Variants in YBX3 observed in about 807,000 individuals in gnomAD.
YBX3 encodes the protein Y-box-binding protein 3.
A neutral mutation model predicts 42.4 loss-of-function variants in YBX3; 29 were observed. The observed-to-expected ratio is 0.68, with a 90% CI of 0.51 to 0.93. YBX3 has a LOEUF of 0.93. Among genes scored for constraint, YBX3 ranks in the 40% least tolerant of loss-of-function variants. The pLI, the probability that YBX3 is intolerant of heterozygous loss-of-function variation, is 0.00. For missense variants in YBX3, 517 were observed against 527.5 expected (o/e 0.98, Z 0.19); for synonymous variants, 195 against 189.8 (o/e 1.03, Z -0.22).
intron 3 of YBX3, among the ~76,000 whole-genome samples, chr12:10,716,761 C>T (rs1398970416): frequency 6.6e-6 from 1 of 152,142 alleles, no homozygotes; most frequent in East Asian, 1.9e-4. Flanking sequence ...AGACCTCACC[C>T]ATAGAGGAAA....
chr12:10,723,111 T>TGCC lies in YBX3; in HGVS notation c.-3_-1dup, dbSNP rs1322959652. On this transcript the variant is annotated 5_prime_UTR_variant, in exon 1 of 10. Coordinates refer to ENST00000228251, the MANE Select transcript of YBX3 (RefSeq NM_003651.5). Reference sequence around the variant, plus strand: ...GTGGTGGCCTCGCCCGCCTCACTCATGCCTCCTCCTCCTCTGCTCTCGCTC... The same window carrying TGCC: ...GTGGTGGCCTCGCCCGCCTCACTCATGCCGCCTCCTCCTCCTCTGCTCTCGCTC... 4 of 1,204,782 alleles carry TGCC rather than the reference T, an allele frequency of 3.3e-6. No homozygotes were observed. In the East Asian group the frequency reaches 1.4e-4, roughly 41 times the overall value. The allele number at this position is 1,204,782 out of a possible 1,614,324, so 74.6% of individuals were successfully genotyped here.
At chr12:10,722,827 C>A in intron 1 of YBX3, 23 bp downstream of exon 1, 1 of 1,445,786 alleles carries the variant, frequency 6.9e-7, no homozygotes. Flanking sequence ...ACGGCAGCCC[C>A]TGCCCTCCCT....
chr12:10,719,524 G>A (rs1013391662), intron 1 of YBX3, among the ~76,000 whole-genome samples: 7 of 152,164 alleles, frequency 4.6e-5, no homozygotes, highest in Non-Finnish European at 7.4e-5. Context: ...ATAAAAGAGT[G>A]AAAGACCTTA....
intron 7 of YBX3, chr12:10,702,713 A>C (rs369935063): frequency 1.1e-4 from 16 of 152,330 alleles, no homozygotes; most frequent in African/African-American, 3.8e-4. Context: ...GCCCTTTGAT[A>C]AGCACTAAGA....
chr12:10,711,692 G>A (rs1288565195), intron 5 of YBX3: 3 of 152,156 alleles, frequency 2.0e-5, no homozygotes, highest in Non-Finnish European at 4.4e-5. Flanking sequence ...TTGGGACTTA[G>A]ATATTACAAC....
chr12:10,715,580 G>A, intron 4 of YBX3, 114 bp downstream of exon 4: 1 of 963,264 alleles, frequency 1.0e-6, no homozygotes, highest in Non-Finnish European at 1.6e-6. Flanking sequence ...GTCACTTCCT[G>A]CTATTGTACA....
In YBX3 at chr12:10,710,433, T is replaced by C. The variant is rs1948187710; in HGVS notation, c.574-319A>G. The C allele has an allele frequency of 4.0e-6, 5 of 1,260,534 alleles. No homozygotes were observed. The South Asian group carries it at 4.7e-5, about 12-fold the overall frequency. 78.1% of individuals were successfully genotyped at this position (1,260,534 alleles called of 1,614,324 possible). On this transcript the variant is annotated intron_variant, in intron 5 of 9. Transcript: ENST00000228251. Reference sequence around the variant, plus strand: ...ACCCGAAGAGTATCTGCAAGGTTTATAATTTTTGCTCCATCAAATGCGTGT... The same window carrying C: ...ACCCGAAGAGTATCTGCAAGGTTTACAATTTTTGCTCCATCAAATGCGTGT...
At chr12:10,717,118 A>T (rs1487610405) in intron 3 of YBX3, among the ~76,000 whole-genome samples, 1 of 152,222 alleles carries the variant, frequency 6.6e-6, no homozygotes, top group Non-Finnish European at 1.5e-5. Context: ...ATCTAAATGC[A>T]ACTGAGATAT....
In YBX3 at chr12:10,723,037, C is replaced by T. The variant is rs1948352043; in HGVS notation, c.75G>A (p.Ala25=). Residue 25 remains alanine, a synonymous_variant, in exon 1 of 10, where the codon GCG becomes GCA. Coordinates refer to ENST00000228251, the MANE Select transcript of YBX3 (RefSeq NM_003651.5). ...LPQAPTEAAA[A]APQDPAPKSP... is the part of the protein sequence containing the mutation. ...TCTTGGGCGCGGGGTCCTGGGGAGC[C>T]GCGGCGGCCGCCTCCGTCGGAGCCT... 1 of 1,204,662 alleles carries T rather than the reference C, an allele frequency of 8.3e-7. No homozygotes were observed. The highest frequency in any genetic ancestry group is 1.0e-6 in the Non-Finnish European group (1 of 972,128). The allele number at this position is 1,204,662 out of a possible 1,614,324, so 74.6% of individuals were successfully genotyped here.
At position 10,718,070 on chromosome 12, in the gene YBX3, A is replaced by G. The variant is rs1458468362; in HGVS notation, c.360+18T>C. 11 of 1,604,370 alleles carry G rather than the reference A, an allele frequency of 6.9e-6. No homozygotes were observed. The highest frequency in any genetic ancestry group is 9.4e-6 in the Non-Finnish European group (11 of 1,174,904). ...CCTCTCCTCACATAGCAAATGTAGTATTTATAATCCCTCTTACCTGATGTA... is the reference window on the plus strand; with the variant it reads ...CCTCTCCTCACATAGCAAATGTAGTGTTTATAATCCCTCTTACCTGATGTA... On this transcript the variant is annotated intron_variant, in intron 3 of 9. Transcript: ENST00000228251.
In YBX3 at chr12:10,699,130, C is replaced by G. The variant is rs931998455; in HGVS notation, c.*559G>C. The G allele has an allele frequency of 1.3e-5, 2 of 152,500 alleles. No homozygotes were observed. Among genetic ancestry groups the G allele is most frequent in the African/African-American group, 4.8e-5 (2 of 41,368 alleles). 9.4% of individuals were successfully genotyped at this position (152,500 alleles called of 1,614,324 possible). A position where few individuals can be genotyped will look rare whatever the true frequency, so the allele number is the denominator to read the frequency against. Reference sequence around the variant, plus strand: ...AATTTTATTTTTGAGGAATTTCTTACTGCACATTTTCAAAGAGAGTCACAT... The same window carrying G: ...AATTTTATTTTTGAGGAATTTCTTAGTGCACATTTTCAAAGAGAGTCACAT... On this transcript the variant is annotated 3_prime_UTR_variant, in exon 10 of 10. Transcript: ENST00000228251.
In YBX3 at chr12:10,723,314, C is replaced by G. The variant is rs1374741957; in HGVS notation, c.-203G>C. The G allele has an allele frequency of 3.5e-6, 3 of 845,494 alleles. No individual in the cohort carries two copies. The East Asian group carries it at 1.3e-4, about 38-fold the overall frequency. 52.4% of individuals were successfully genotyped at this position (845,494 alleles called of 1,614,324 possible). ...CGCGCTCTCTCTTGGGCTCCTCGCTCGATCTTACTGCCCCAAAAATGGCCC... is the reference window on the plus strand; with the variant it reads ...CGCGCTCTCTCTTGGGCTCCTCGCTGGATCTTACTGCCCCAAAAATGGCCC... On this transcript the variant is annotated 5_prime_UTR_variant, in exon 1 of 10. Transcript: ENST00000228251.
intron 5 of YBX3, chr12:10,710,397 G>C: frequency 6.0e-6 from 8 of 1,340,664 alleles, no homozygotes; most frequent in Non-Finnish European, 7.7e-6. Flanking sequence ...ACTCGTATCA[G>C]CTAACCAACC....
intron 6 of YBX3, among the ~76,000 whole-genome samples, chr12:10,709,655 C>T (rs993702972): frequency 1.3e-5 from 2 of 152,186 alleles, no homozygotes; most frequent in African/African-American, 4.8e-5. Context: ...TTCTTTTGTT[C>T]TTCTATCAAC....
chr12:10,700,453 G>C (rs1010062602), intron 9 of YBX3, among the ~76,000 whole-genome samples: 3 of 151,844 alleles, frequency 2.0e-5, no homozygotes, highest in African/African-American at 7.3e-5. Flanking sequence ...AGTTAAAAGG[G>C]TTATAGGTTA....
chr12:10,711,903 TCA>T (rs1948204990), intron 5 of YBX3: 2 of 152,242 alleles, frequency 1.3e-5, no homozygotes, highest in African/African-American at 4.8e-5. Context: ...GTCAAAATAA[TCA>T]CAGTTAGCGC....
chr12:10,714,339 GC>G (rs1948235089), intron 4 of YBX3, among the ~76,000 whole-genome samples: 1 of 152,192 alleles, frequency 6.6e-6, no homozygotes, highest in Non-Finnish European at 1.5e-5. Context: ...TAATTCAGCT[GC>G]CATGATTAGC....
chr12:10,702,566 A>T (rs976791671), intron 7 of YBX3: 1 of 152,680 alleles, frequency 6.5e-6, no homozygotes, highest in African/African-American at 2.4e-5. Flanking sequence ...TGCTAGAATT[A>T]TTCGCAGGTC....
chr12:10,716,953 C>T (rs1240130003), intron 3 of YBX3, among the ~76,000 whole-genome samples: 1 of 152,174 alleles, frequency 6.6e-6, no homozygotes, highest in Non-Finnish European at 1.5e-5. Context: ...ATAAAGCCAG[C>T]CACCAATACA....
Sources: gnomAD v4.1 joint callset for allele counts (sites outside exome capture counted in the v4.1 genomes callset) on GRCh38, gnomAD v4.1.1 for gene constraint, MANE v1.5 for transcripts, NCBI Gene and HGNC (gene_info 2026-07-23, HGNC 2026-07-21) for gene names.